Variants in TMTC2 observed in about 807,000 individuals in gnomAD.
The protein encoded by TMTC2 is protein O-mannosyl-transferase TMTC2.
A neutral mutation model predicts 82.4 loss-of-function variants in TMTC2; 43 were observed. That is an observed-to-expected ratio of 0.52 (90% CI 0.41 to 0.67). The LOEUF is 0.67. Ranked by LOEUF, TMTC2 falls within the 30% of genes least tolerant of loss-of-function variation. The pLI is 0.00. For synonymous variants in TMTC2, 408 were observed against 381.9 expected (o/e 1.07, Z -0.80); for missense variants, 919 against 1,012.4 (o/e 0.91, Z 1.25).
Position 83,049,999 on chromosome 12 carries a change from C to A in TMTC2, c.2153-905C>A, listed in dbSNP as rs150937704. Among the ~76,000 whole-genome samples the A allele has an allele frequency of 8.1e-3, 1,239 of 152,192 alleles. 14 individuals are homozygous for A. Among genetic ancestry groups the A allele is most frequent in the Middle Eastern group, 0.048 (14 of 294 alleles). The stretch of plus-strand genomic sequence containing the variant: ...AAGTTTTATGTTTTTGTGTGCAACT[C>A]AGAACTTAATCATTTTTATAACTAT... On this transcript the variant is annotated intron_variant, in intron 9 of 11. Coordinates refer to ENST00000321196, the MANE Select transcript of TMTC2 (RefSeq NM_152588.3).
chr12:83,134,181 T>G lies in TMTC2; in HGVS notation c.*1792T>G, dbSNP rs1363759841. On this transcript the variant is annotated 3_prime_UTR_variant, in exon 12 of 12. Coordinates refer to ENST00000321196, the MANE Select transcript of TMTC2 (RefSeq NM_152588.3). ...TTTCACTGAAGGGCCAAAAGTTAAA[T>G]TATAACTAAATCACTGTGTTTTCAG... The G allele has an allele frequency of 6.6e-6, 1 of 152,538 alleles. No homozygotes were observed. The highest frequency in any genetic ancestry group is 6.6e-5 in the Admixed American group (1 of 15,260). The allele number at this position is 152,538 out of a possible 1,614,324, so 9.4% of individuals were successfully genotyped here.
At chr12:82,935,180 A>C (rs917583531) in intron 4 of TMTC2, among the ~76,000 whole-genome samples, 5 of 152,242 alleles carry the variant, frequency 3.3e-5, no homozygotes, top group Middle Eastern at 3.4e-3. Flanking sequence ...TTCAAGAAGA[A>C]AGTGCTACCT....
At chr12:82,709,719 C>T (rs1294992595) in intron 1 of TMTC2, among the ~76,000 whole-genome samples, 1 of 152,088 alleles carries the variant, frequency 6.6e-6, no homozygotes, top group African/African-American at 2.4e-5. Flanking sequence ...AAGAGAGACA[C>T]ATTATATCCA....
intron 4 of TMTC2, among the ~76,000 whole-genome samples, chr12:82,954,502 C>A (rs915193004): frequency 6.6e-6 from 1 of 152,178 alleles, no homozygotes; most frequent in Admixed American, 6.5e-5. Flanking sequence ...CTGCACATTG[C>A]ACTTTAATGA....
chr12:83,109,222 G>C (rs558489134), intron 11 of TMTC2, among the ~76,000 whole-genome samples: 1 of 152,138 alleles, frequency 6.6e-6, no homozygotes, highest in Non-Finnish European at 1.5e-5. Flanking sequence ...CTTCTGGGGG[G>C]GCCTCAGGAA....
chr12:82,694,528 A>G (rs1463965876), intron 1 of TMTC2, among the ~76,000 whole-genome samples: 1 of 152,094 alleles, frequency 6.6e-6, no homozygotes, highest in East Asian at 1.9e-4. Context: ...TTGTTTCTTA[A>G]TTTCTTTGCC....
chr12:83,018,726 A>AGT (rs1410059985), intron 8 of TMTC2, among the ~76,000 whole-genome samples: 1 of 150,398 alleles, frequency 6.6e-6, no homozygotes, highest in African/African-American at 2.4e-5. Flanking sequence ...TGAAGCTCTG[A>AGT]GTATCACTCA....
At chr12:82,813,554 A>G (rs1868520518) in intron 1 of TMTC2, among the ~76,000 whole-genome samples, 1 of 152,038 alleles carries the variant, frequency 6.6e-6, no homozygotes, top group Admixed American at 6.6e-5. Context: ...CATTTAAAAT[A>G]TGGTCCTCCA....
chr12:82,773,154 T>A (rs1325460756), intron 1 of TMTC2, among the ~76,000 whole-genome samples: 2 of 152,170 alleles, frequency 1.3e-5, no homozygotes, highest in Non-Finnish European at 2.9e-5. Flanking sequence ...CTCCCACCAC[T>A]CTTCTTCTCA....
chr12:82,979,498 T>C (rs1239292154), intron 7 of TMTC2, among the ~76,000 whole-genome samples: 1 of 151,782 alleles, frequency 6.6e-6, no homozygotes, highest in African/African-American at 2.4e-5. Flanking sequence ...TCCTGCTTTT[T>C]AACTTTTAAT....
intron 1 of TMTC2, among the ~76,000 whole-genome samples, chr12:82,703,623 C>G (rs982238341): frequency 6.6e-6 from 1 of 151,846 alleles, no homozygotes; most frequent in Non-Finnish European, 1.5e-5. Flanking sequence ...CTCAGCCTCC[C>G]GAGTAGCTGG....
chr12:82,793,209 C>T (rs974779845), intron 1 of TMTC2, among the ~76,000 whole-genome samples: 1 of 152,060 alleles, frequency 6.6e-6, no homozygotes. Context: ...AACATTATTT[C>T]CTTTTTTAGT....
intron 3 of TMTC2, among the ~76,000 whole-genome samples, chr12:82,913,420 G>T (rs886382037): frequency 2.0e-5 from 3 of 151,802 alleles, no homozygotes; most frequent in Non-Finnish European, 4.4e-5. Context: ...TAAAAATTAG[G>T]GTTTAAAGAA....
chr12:82,997,243 A>G (rs7304842), intron 8 of TMTC2, among the ~76,000 whole-genome samples: 8,891 of 127,286 alleles, frequency 0.07, 481 homozygotes, highest in African/African-American at 0.13. Flanking sequence ...ATAGTTATGT[A>G]TAGTTATATA....
chr12:82,740,008 T>C (rs1875317340), intron 1 of TMTC2, among the ~76,000 whole-genome samples: 1 of 152,056 alleles, frequency 6.6e-6, no homozygotes, highest in South Asian at 2.1e-4. Flanking sequence ...AGTCAGTATG[T>C]TTGAACATAT....
intron 11 of TMTC2, among the ~76,000 whole-genome samples, chr12:83,119,805 A>G (rs2137558671): frequency 6.6e-6 from 1 of 152,192 alleles, no homozygotes; most frequent in South Asian, 2.1e-4. Flanking sequence ...TAGTCATTTT[A>G]TAAATGTGGG....
At chr12:82,878,025 A>G (rs1015465097) in intron 2 of TMTC2, among the ~76,000 whole-genome samples, 1 of 152,322 alleles carries the variant, frequency 6.6e-6, no homozygotes, top group Non-Finnish European at 1.5e-5. Context: ...TATTTGAGCT[A>G]CGTATTAAGA....
chr12:82,702,142 G>A (rs548006491), intron 1 of TMTC2, among the ~76,000 whole-genome samples: 8 of 152,252 alleles, frequency 5.3e-5, no homozygotes, highest in African/African-American at 1.9e-4. Flanking sequence ...AATTAATAAC[G>A]TTTGGAGTAA....
intron 1 of TMTC2, among the ~76,000 whole-genome samples, chr12:82,715,274 CAA>C (rs758933283): frequency 9.6e-6 from 1 of 103,770 alleles, no homozygotes; most frequent in Non-Finnish European, 2.0e-5. Context: ...GACTCCATTT[CAA>C]AAAAAAAAAA....
Sources: allele counts gnomAD v4.1 joint callset (sites outside exome capture counted in the v4.1 genomes callset), GRCh38; gene constraint gnomAD v4.1.1; transcripts MANE v1.5; gene names NCBI Gene and HGNC (gene_info 2026-07-23, HGNC 2026-07-21).